Variants in ARHGAP18 observed in about 807,000 individuals in gnomAD.
ARHGAP18 encodes the protein rho GTPase-activating protein 18.
Under a neutral mutation model 86.2 loss-of-function variants are expected in ARHGAP18, and 67 were observed. The ratio of observed to expected loss-of-function variants is 0.78; its 90% CI spans 0.64 to 0.95. The LOEUF is 0.95. Ranked by LOEUF, ARHGAP18 falls within the 40% of genes least tolerant of loss-of-function variation. The pLI, the probability that ARHGAP18 is intolerant of heterozygous loss-of-function variation, is 0.00. For synonymous variants in ARHGAP18, 283 were observed against 280.4 expected (o/e 1.01, Z -0.09); for missense variants, 691 against 780.4 (o/e 0.89, Z 1.37).
chr6:129,707,558 C>T (rs1383356274), intron 1 of ARHGAP18, among the ~76,000 whole-genome samples: 1 of 152,002 alleles, frequency 6.6e-6, no homozygotes, highest in Non-Finnish European at 1.5e-5. Flanking sequence ...AATCTCTGCT[C>T]CACCAGCCTC....
chr6:129,697,125 T>C (rs1774631042), intron 1 of ARHGAP18, among the ~76,000 whole-genome samples: 1 of 152,168 alleles, frequency 6.6e-6, no homozygotes, highest in South Asian at 2.1e-4. Flanking sequence ...TCTGATTACC[T>C]GGCTACTGCT....
intron 1 of ARHGAP18, among the ~76,000 whole-genome samples, chr6:129,661,038 A>AAC (rs1773939970): frequency 6.8e-6 from 1 of 147,994 alleles, no homozygotes; most frequent in African/African-American, 2.5e-5. Context: ...AAAAAAAAAA[A>AAC]CCAAAAGAAT....
At chr6:129,654,608 A>G (rs1214283824) in intron 1 of ARHGAP18, among the ~76,000 whole-genome samples, 1 of 152,228 alleles carries the variant, frequency 6.6e-6, no homozygotes, top group Non-Finnish European at 1.5e-5. Flanking sequence ...TAAGTAGTTC[A>G]TGGCCTCAAG....
chr6:129,691,011 T>C (rs781514099), intron 1 of ARHGAP18, among the ~76,000 whole-genome samples: 1 of 152,228 alleles, frequency 6.6e-6, no homozygotes, highest in Non-Finnish European at 1.5e-5. Flanking sequence ...CTCAATAATT[T>C]ATATATTGGG....
In ARHGAP18 at chr6:129,616,305, T is replaced by G; in HGVS notation, c.953-2A>C. The G allele has an allele frequency of 3.1e-6, 5 of 1,604,772 alleles. No individual in the cohort carries two copies. The highest frequency in any genetic ancestry group is 4.3e-6 in the Non-Finnish European group (5 of 1,176,284). ...ATGGAACGCAAAAAAGACCAGAATC[T>G]GCAAGAAAAAAAATGAAATTTCCTC... On this transcript the variant is annotated splice_acceptor_variant, in intron 6 of 14. Coordinates refer to ENST00000368149, the MANE Select transcript of ARHGAP18 (RefSeq NM_033515.3). LOFTEE classifies it high-confidence loss of function.
At chr6:129,592,344 C>A (rs1302902930) in intron 12 of ARHGAP18, among the ~76,000 whole-genome samples, 2 of 151,994 alleles carry the variant, frequency 1.3e-5, no homozygotes, top group African/African-American at 4.8e-5. Context: ...AGGCACGCAA[C>A]CCTGGCCACA....
In ARHGAP18 at chr6:129,618,482, T is replaced by C. The variant is rs556152160; in HGVS notation, c.952+205A>G. 5.9e-5 allele frequency among the ~76,000 whole-genome samples: 9 copies of C among 152,368 alleles called. No individual in the cohort carries two copies. In the South Asian group the frequency reaches 1.7e-3, roughly 28 times the overall value. On this transcript the variant is annotated intron_variant, in intron 6 of 14. Transcript: ENST00000368149. Reference sequence around the variant, plus strand: ...GAGAATTAAATTCTTTGACTATGCCTTTATTCTCTATAGTCTAGGACACAG... The same window carrying C: ...GAGAATTAAATTCTTTGACTATGCCCTTATTCTCTATAGTCTAGGACACAG...
At chr6:129,623,063 T>C (rs1056091174) in intron 5 of ARHGAP18, among the ~76,000 whole-genome samples, 4 of 128,608 alleles carry the variant, frequency 3.1e-5, no homozygotes, top group Non-Finnish European at 6.6e-5. Flanking sequence ...CAAAAAAAAA[T>C]GTAAGGTCAT....
chr6:129,674,229 C>G (rs1195150649), intron 1 of ARHGAP18, among the ~76,000 whole-genome samples: 1 of 152,148 alleles, frequency 6.6e-6, no homozygotes. Context: ...TAATACATGT[C>G]CACAACTTTA....
In ARHGAP18 at chr6:129,638,110, AC is replaced by A. The variant is rs1773371062; in HGVS notation, c.552+283del. Among the ~76,000 whole-genome samples the A allele has an allele frequency of 2.0e-5, 3 of 152,010 alleles. No individual in the cohort carries two copies. The South Asian group carries it at 6.2e-4, about 32-fold the overall frequency. On this transcript the variant is annotated intron_variant, in intron 3 of 14. Transcript: ENST00000368149. ...TGTTGTCTGAGAAGCTGTCCCTGTC[AC>A]CCCTAGTGGAGTTAAAGTCACTTGT...
At chr6:129,686,915 G>A (rs369039136) in intron 1 of ARHGAP18, among the ~76,000 whole-genome samples, 12 of 149,356 alleles carry the variant, frequency 8.0e-5, no homozygotes, top group East Asian at 2.0e-4. Flanking sequence ...CTCAGCCTCC[G>A]GAGTAGTTGG....
chr6:129,699,620 A>T (rs554843495), intron 1 of ARHGAP18, among the ~76,000 whole-genome samples: 45 of 152,238 alleles, frequency 3.0e-4, no homozygotes, highest in Non-Finnish European at 3.7e-4. Flanking sequence ...TGGTAGAATT[A>T]TAGAATGAAT....
At chr6:129,588,583 T>C (rs1788447366) in intron 12 of ARHGAP18, among the ~76,000 whole-genome samples, 2 of 152,328 alleles carry the variant, frequency 1.3e-5, no homozygotes, top group South Asian at 4.1e-4. Context: ...GTTGAGTGTC[T>C]GCAGCCTTTC....
rs532110823 is a variant in ARHGAP18 at position 129,687,430 on chromosome 6, A to G, written c.113+22594T>C. 5.9e-5 allele frequency among the ~76,000 whole-genome samples: 9 copies of G among 152,260 alleles called. No individual in the cohort carries two copies. The East Asian group carries it at 1.7e-3, about 29-fold the overall frequency. On this transcript the variant is annotated intron_variant, in intron 1 of 14. Coordinates refer to ENST00000368149, the MANE Select transcript of ARHGAP18 (RefSeq NM_033515.3). ...GCCTGTCTGGGGCTGACAAACCACAACAACCCTTTTCTTCTTCCTCAGGCA... is the reference window on the plus strand; with the variant it reads ...GCCTGTCTGGGGCTGACAAACCACAGCAACCCTTTTCTTCTTCCTCAGGCA...
intron 5 of ARHGAP18, among the ~76,000 whole-genome samples, chr6:129,624,175 G>T (rs1789290310): frequency 6.6e-6 from 1 of 152,156 alleles, no homozygotes; most frequent in Non-Finnish European, 1.5e-5. Flanking sequence ...TGTTTAATTA[G>T]ATTCTACTGT....
intron 5 of ARHGAP18, among the ~76,000 whole-genome samples, chr6:129,623,906 C>A (rs1789284873): frequency 6.6e-6 from 1 of 152,134 alleles, no homozygotes; most frequent in African/African-American, 2.4e-5. Flanking sequence ...AACAGGAAAA[C>A]TGATCTTGAG....
At chr6:129,705,494 T>C (rs1049969292) in intron 1 of ARHGAP18, among the ~76,000 whole-genome samples, 2 of 152,172 alleles carry the variant, frequency 1.3e-5, no homozygotes, top group African/African-American at 4.8e-5. Context: ...AAATCATAAA[T>C]GGTGCTATGG....
intron 1 of ARHGAP18, among the ~76,000 whole-genome samples, chr6:129,706,965 G>A (rs1774811887): frequency 6.6e-6 from 1 of 150,856 alleles, no homozygotes; most frequent in Non-Finnish European, 1.5e-5. Context: ...AGTGGCTCAT[G>A]CCTGTAATCC....
intron 1 of ARHGAP18, among the ~76,000 whole-genome samples, chr6:129,658,836 CT>C (rs1262823885): frequency 6.6e-6 from 1 of 152,170 alleles, no homozygotes; most frequent in Non-Finnish European, 1.5e-5. Flanking sequence ...CTAAACATCA[CT>C]TTATGGAATC....
Sources: gnomAD v4.1 joint callset for allele counts (sites outside exome capture counted in the v4.1 genomes callset) on GRCh38, gnomAD v4.1.1 for gene constraint, MANE v1.5 for transcripts, NCBI Gene and HGNC (gene_info 2026-07-23, HGNC 2026-07-21) for gene names.